FMN1: variants seen among roughly 807,000 people sequenced by gnomAD.
FMN1 encodes the protein formin 1.
FMN1 carries 110 observed loss-of-function variants against 132.4 expected under a neutral mutation model. The ratio of observed to expected loss-of-function variants is 0.83; its 90% confidence interval spans 0.71 to 0.97. The LOEUF (loss-of-function observed/expected upper bound fraction) is 0.97, where lower values mean the gene tolerates loss of function less well. FMN1 is among the 50% of genes least tolerant of loss of function. FMN1 has a pLI of 0.00. For synonymous variants in FMN1, 722 were observed against 651.7 expected, an observed-to-expected ratio of 1.11 and a Z score of -1.64; for missense variants, 1,792 against 1,705.3, an observed-to-expected ratio of 1.05 and a Z score of -0.90.
intron 9 of FMN1, among the ~76,000 whole-genome samples, chr15:32,951,005 C>T (rs1019150630): frequency 3.3e-5 from 5 of 151,480 alleles, no homozygotes; most frequent in Admixed American, 1.3e-4. Context: ...CTTAATATTG[C>T]TTGACTTTTT....
At chr15:33,146,929 C>T (rs919110141) in intron 4 of FMN1, among the ~76,000 whole-genome samples, 4 of 152,174 alleles carry the variant, frequency 2.6e-5, no homozygotes, top group East Asian at 3.9e-4. Context: ...AATCCCAGAA[C>T]TTTGGAAGGT....
chr15:32,879,799 C>T (rs1453497626), intron 16 of FMN1, among the ~76,000 whole-genome samples: 1 of 152,140 alleles, frequency 6.6e-6, no homozygotes, highest in African/African-American at 2.4e-5. Flanking sequence ...TTCAACACAC[C>T]AGCCTCTGTC....
intron 17 of FMN1, among the ~76,000 whole-genome samples, chr15:32,829,980 T>C (rs1457399335): frequency 1.3e-5 from 2 of 152,162 alleles, no homozygotes; most frequent in Non-Finnish European, 2.9e-5. Flanking sequence ...CTTATGCTGG[T>C]TGAGAAAGCA....
chr15:32,865,610 G>C (rs1443143729), intron 16 of FMN1, among the ~76,000 whole-genome samples: 1 of 152,186 alleles, frequency 6.6e-6, no homozygotes, highest in Non-Finnish European at 1.5e-5. Flanking sequence ...GACAAGGCGG[G>C]CAGATCACCT....
Position 33,128,771 on chromosome 15 carries a change from T to C in FMN1, c.1867+24277A>G, listed in dbSNP as rs568593511. On this transcript the variant is annotated intron_variant, in intron 4 of 20. Transcript: ENST00000616417. ...AATTTTAAAGCCCTTAAAAGTGGTA[T>C]GGACCCAAACGGTGAGCAGCAGCAA... 2.4e-3 allele frequency among the ~76,000 whole-genome samples: 363 copies of C among 152,334 alleles called. 1 individual carries two copies. Among genetic ancestry groups the C allele is most frequent in the Non-Finnish European group, 3.7e-3 (253 of 68,038 alleles).
In FMN1 at chr15:33,056,428, T is replaced by C. The variant is rs528715702; in HGVS notation, c.2161+8529A>G. 1.8e-4 allele frequency among the ~76,000 whole-genome samples: 28 copies of C among 152,232 alleles called. No homozygotes were observed. In the Middle Eastern group the frequency reaches 0.01, roughly 55 times the overall value. The stretch of plus-strand genomic sequence containing the variant: ...TATAGTCAGAAAAAGGAAAATGACA[T>C]ACAGAAAACCAAAGTGAGGTACAGA... On this transcript the variant is annotated intron_variant, in intron 6 of 20. Transcript: ENST00000616417.
At chr15:32,815,233 C>T (rs866420790) in intron 17 of FMN1, among the ~76,000 whole-genome samples, 44 of 152,200 alleles carry the variant, frequency 2.9e-4, no homozygotes, top group East Asian at 3.9e-4. Flanking sequence ...TGAGCCATCG[C>T]GCCCGGCCTG....
In FMN1 at chr15:32,768,796, A is replaced by T. The variant is rs576957031; in HGVS notation, c.*5514T>A. 5.3e-5 allele frequency: 8 copies of T among 152,358 alleles called. No homozygotes were observed. In the South Asian group the frequency reaches 1.7e-3, roughly 32 times the overall value. The allele number at this position is 152,358 out of a possible 1,614,324, so 9.4% of individuals were successfully genotyped here. ...ATTTAAGAGAAGATTTAAAAATAGA[A>T]AATTACATAAGCGTAGAGGGAATGT... On this transcript the variant is annotated 3_prime_UTR_variant, in exon 21 of 21. Coordinates refer to ENST00000616417, the MANE Select transcript of FMN1 (RefSeq NM_001277313.2).
chr15:32,815,914 TG>T (rs2141072302), intron 17 of FMN1, among the ~76,000 whole-genome samples: 1 of 152,326 alleles, frequency 6.6e-6, no homozygotes, highest in South Asian at 2.1e-4. Flanking sequence ...CTATTGACAC[TG>T]GGTCAGTTGT....
At chr15:33,117,256 T>C (rs1273277162) in intron 4 of FMN1, among the ~76,000 whole-genome samples, 3 of 152,132 alleles carry the variant, frequency 2.0e-5, no homozygotes, top group Non-Finnish European at 4.4e-5. Context: ...TTATACGCCC[T>C]CAGATTCTGG....
intron 18 of FMN1, among the ~76,000 whole-genome samples, chr15:32,802,549 T>C (rs1341393939): frequency 6.6e-6 from 1 of 152,194 alleles, no homozygotes; most frequent in Non-Finnish European, 1.5e-5. Flanking sequence ...ACATATTTCA[T>C]GTATGACATG....
chr15:32,993,402 G>T (rs1359636560), intron 7 of FMN1, among the ~76,000 whole-genome samples: 3 of 152,084 alleles, frequency 2.0e-5, no homozygotes, highest in Non-Finnish European at 4.4e-5. Context: ...GCCATATATA[G>T]TTTTAAAACA....
intron 17 of FMN1, among the ~76,000 whole-genome samples, chr15:32,823,618 G>A (rs1391672562): frequency 1.3e-5 from 2 of 152,100 alleles, no homozygotes; most frequent in African/African-American, 4.8e-5. Flanking sequence ...TTCTATGACA[G>A]TTCTTACATG....
Position 32,849,012 on chromosome 15 carries a change from C to G in FMN1, c.3928+8003G>C, listed in dbSNP as rs1203484809. Among the ~76,000 whole-genome samples, 3 of 114,848 alleles carry G rather than the reference C, an allele frequency of 2.6e-5. 1 individual carries two copies. The highest frequency in any genetic ancestry group is 5.9e-4 in the East Asian group (2 of 3,402). 75.3% of individuals were successfully genotyped at this position (114,848 alleles called of 152,430 possible). A position where few individuals can be genotyped will look rare whatever the true frequency, so the allele number is the denominator to read the frequency against. ...TTTTTTTTTTTTTCAGAGACAGAGTCTCACTCTGTCACCCATGCTGGAGTG... is the reference window on the plus strand; with the variant it reads ...TTTTTTTTTTTTTCAGAGACAGAGTGTCACTCTGTCACCCATGCTGGAGTG... On this transcript the variant is annotated intron_variant, in intron 17 of 20. Transcript: ENST00000616417.
At chr15:33,116,973 T>C (rs1349255775) in intron 4 of FMN1, among the ~76,000 whole-genome samples, 1 of 152,182 alleles carries the variant, frequency 6.6e-6, no homozygotes, top group Admixed American at 6.5e-5. Context: ...AATACAACAC[T>C]ACCACTATTC....
intron 9 of FMN1, among the ~76,000 whole-genome samples, chr15:32,954,034 A>G (rs897882493): frequency 6.6e-6 from 1 of 152,218 alleles, no homozygotes; most frequent in African/African-American, 2.4e-5. Flanking sequence ...CATGTTAGGT[A>G]TAGAAGTTAA....
intron 6 of FMN1, chr15:33,064,598 A>G (rs984412546): frequency 1.2e-5 from 2 of 169,952 alleles, no homozygotes; most frequent in Admixed American, 6.3e-5. Flanking sequence ...TTACAGCTCT[A>G]GAGAACCATA....
intron 6 of FMN1, among the ~76,000 whole-genome samples, chr15:33,008,960 G>C (rs2034562379): frequency 6.6e-6 from 1 of 152,172 alleles, no homozygotes; most frequent in South Asian, 2.1e-4. Context: ...ATGTGTGAAA[G>C]CCAGGCTATT....
At chr15:32,987,867 T>C (rs148143016) in intron 7 of FMN1, among the ~76,000 whole-genome samples, 40 of 152,250 alleles carry the variant, frequency 2.6e-4, no homozygotes, top group Non-Finnish European at 4.3e-4. Context: ...CTTTCTGTCG[T>C]TGAGTATAAT....
Sources: gnomAD v4.1 joint callset for allele counts (sites outside exome capture counted in the v4.1 genomes callset) on GRCh38, gnomAD v4.1.1 for gene constraint, MANE v1.5 for transcripts, NCBI Gene and HGNC (gene_info 2026-07-23, HGNC 2026-07-21) for gene names.